WARS2: variants seen among roughly 807,000 people sequenced by gnomAD.
The protein encoded by WARS2 is tryptophan--tRNA ligase, mitochondrial.
A neutral mutation model predicts 36.5 loss-of-function variants in WARS2; 28 were observed. The observed-to-expected ratio is 0.77, with a 90% CI of 0.57 to 1.05. WARS2 has a LOEUF of 1.05. Among genes scored for constraint, WARS2 ranks in the 50% least tolerant of loss-of-function variants. The pLI is 0.00. For missense variants in WARS2, 435 were observed against 456.8 expected, an observed-to-expected ratio of 0.95 and a Z score of 0.44; for synonymous variants, 174 against 178.4, an observed-to-expected ratio of 0.98 and a Z score of 0.20.
At chr1:119,087,071 C>A (rs1333651481) in intron 1 of WARS2, among the ~76,000 whole-genome samples, 3 of 152,156 alleles carry the variant, frequency 2.0e-5, no homozygotes, top group Admixed American at 6.5e-5. Flanking sequence ...CACACACCAC[C>A]AATGTCTCTT....
chr1:119,133,961 A>C (rs1485906802), intron 1 of WARS2, among the ~76,000 whole-genome samples: 1 of 152,096 alleles, frequency 6.6e-6, no homozygotes, highest in Non-Finnish European at 1.5e-5. Flanking sequence ...CATTCTGAAA[A>C]ACTACAAAAT....
chr1:119,092,040 T>C (rs189518271), intron 1 of WARS2, among the ~76,000 whole-genome samples: 2 of 152,330 alleles, frequency 1.3e-5, no homozygotes, highest in African/African-American at 4.8e-5. Context: ...GAATCTAGAA[T>C]TCCCCGTGGT....
chr1:119,109,523 GTTTCT>G (rs1271347229), intron 1 of WARS2, among the ~76,000 whole-genome samples: 1 of 151,756 alleles, frequency 6.6e-6, no homozygotes, highest in South Asian at 2.1e-4. Context: ...CTTTTAGCTA[GTTTCT>G]TTTATTTAGT....
At chr1:119,081,193 T>C (rs587745897) in intron 1 of WARS2, among the ~76,000 whole-genome samples, 1 of 152,378 alleles carries the variant, frequency 6.6e-6, no homozygotes, top group Admixed American at 6.5e-5. Context: ...TGTAAGGTAC[T>C]GAGCACATCC....
At chr1:119,119,305 C>T (rs1481657186) in intron 1 of WARS2, among the ~76,000 whole-genome samples, 2 of 151,930 alleles carry the variant, frequency 1.3e-5, no homozygotes, top group African/African-American at 2.4e-5. Context: ...AAAGTAACAA[C>T]AGTTAAAAAA....
chr1:119,056,376 TC>T (rs1374425722), intron 2 of WARS2, among the ~76,000 whole-genome samples: 1 of 151,150 alleles, frequency 6.6e-6, no homozygotes, highest in African/African-American at 2.4e-5. Context: ...CCTGCAGTGT[TC>T]CCTACACTAC....
chr1:119,049,759 G>T (rs114256089), intron 2 of WARS2, among the ~76,000 whole-genome samples: 10 of 152,162 alleles, frequency 6.6e-5, no homozygotes, highest in Non-Finnish European at 1.5e-4. Flanking sequence ...CTCACACTCT[G>T]TATCTAATCC....
At chr1:119,082,005 G>A (rs1349161563) in intron 1 of WARS2, among the ~76,000 whole-genome samples, 1 of 152,050 alleles carries the variant, frequency 6.6e-6, no homozygotes, top group Non-Finnish European at 1.5e-5. Context: ...AATAAAACCA[G>A]ATGCTCAGAC....
chr1:119,082,625 T>G (rs1275972220), intron 1 of WARS2: 1 of 190,958 alleles, frequency 5.2e-6, no homozygotes, highest in Non-Finnish European at 9.7e-6. Flanking sequence ...CTTCTTGGCT[T>G]CAAGCATCCC....
intron 2 of WARS2, among the ~76,000 whole-genome samples, chr1:119,076,031 G>C (rs1651700653): frequency 6.6e-6 from 1 of 152,184 alleles, no homozygotes; most frequent in Admixed American, 6.5e-5. Context: ...ACAACACAAA[G>C]TAATCAGTTT....
At chr1:119,135,904 G>A (rs1339826090) in intron 1 of WARS2, among the ~76,000 whole-genome samples, 1 of 138,608 alleles carries the variant, frequency 7.2e-6, no homozygotes, top group Admixed American at 8.5e-5. Context: ...CTGACTAGCT[G>A]GGACTACAGG....
intron 2 of WARS2, among the ~76,000 whole-genome samples, chr1:119,072,843 T>C (rs1046388171): frequency 6.6e-6 from 1 of 152,182 alleles, no homozygotes; most frequent in African/African-American, 2.4e-5. Flanking sequence ...GGTATCTGCT[T>C]TGAAATACTT....
chr1:119,041,817 A>G (rs1043802155), intron 4 of WARS2, among the ~76,000 whole-genome samples: 6 of 152,144 alleles, frequency 3.9e-5, no homozygotes, highest in African/African-American at 1.4e-4. Context: ...ATGAGCACAG[A>G]CTCTGTATCC....
intron 1 of WARS2, among the ~76,000 whole-genome samples, chr1:119,131,619 C>G (rs1452678526): frequency 6.6e-6 from 1 of 152,052 alleles, no homozygotes; most frequent in African/African-American, 2.4e-5. Flanking sequence ...CCCGCCACCA[C>G]GCCCGGCTAA....
rs769969567 is a variant in WARS2 at position 119,135,271 on chromosome 1, T to C, written c.90+5284A>G. Among the ~76,000 whole-genome samples the C allele has an allele frequency of 9.2e-5, 14 of 152,326 alleles. No homozygotes were observed. In the South Asian group the frequency reaches 2.9e-3, roughly 32 times the overall value. On this transcript the variant is annotated intron_variant, in intron 1 of 5. Transcript: ENST00000235521. ...CTACATCTTAAGAAATCCAAAATTG[T>C]GTGGCACTGTCTCAGGAGCCCCTGG...
chr1:119,094,939 T>C (rs1653310939), intron 1 of WARS2, among the ~76,000 whole-genome samples: 2 of 152,190 alleles, frequency 1.3e-5, no homozygotes, highest in African/African-American at 4.8e-5. Flanking sequence ...CAATCATTAA[T>C]TCACCATCCC....
chr1:119,080,759 G>T (rs1652126970), intron 1 of WARS2, among the ~76,000 whole-genome samples: 1 of 152,170 alleles, frequency 6.6e-6, no homozygotes, highest in South Asian at 2.1e-4. Flanking sequence ...GTGGTGGGAG[G>T]ATGGGGGTTC....
chr1:119,113,526 AT>A (rs1056666595), intron 1 of WARS2, among the ~76,000 whole-genome samples: 1 of 152,032 alleles, frequency 6.6e-6, no homozygotes, highest in Non-Finnish European at 1.5e-5. Flanking sequence ...TTGGCAGTAA[AT>A]TTTTTTTAAG....
chr1:119,117,613 T>C (rs1655058450), intron 1 of WARS2, among the ~76,000 whole-genome samples: 1 of 152,222 alleles, frequency 6.6e-6, no homozygotes, highest in Admixed American at 6.5e-5. Flanking sequence ...ACAACTTCAC[T>C]GTGAGCATAA....
Sources: gnomAD v4.1 joint callset for allele counts (sites outside exome capture counted in the v4.1 genomes callset) on GRCh38, gnomAD v4.1.1 for gene constraint, MANE v1.5 for transcripts, NCBI Gene and HGNC (gene_info 2026-07-23, HGNC 2026-07-21) for gene names.